PTPRD: variants seen among roughly 807,000 people sequenced by gnomAD.
PTPRD encodes the protein receptor-type tyrosine-protein phosphatase delta.
In PTPRD, 34 loss-of-function variants were observed where a neutral mutation model predicts 214.5. The ratio of observed to expected loss-of-function variants is 0.16; its 90% CI spans 0.12 to 0.21. PTPRD has a LOEUF of 0.21. Ranked by LOEUF, PTPRD falls within the 10% of genes least tolerant of loss-of-function variation. PTPRD has a pLI of 1.00. For synonymous variants in PTPRD, 1,128 were observed against 845.7 expected, an observed-to-expected ratio of 1.33 and a Z score of -5.79; for missense variants, 2,545 against 2,398.7, an observed-to-expected ratio of 1.06 and a Z score of -1.27.
chr9:10,429,410 A>G (rs1023074411), intron 2 of PTPRD, among the ~76,000 whole-genome samples: 1 of 152,042 alleles, frequency 6.6e-6, no homozygotes, highest in Non-Finnish European at 1.5e-5. Flanking sequence ...CACTATTCAC[A>G]AAAGCAAAAT....
chr9:9,181,223 A>G lies in PTPRD; in HGVS notation c.-143+2081T>C, dbSNP rs1481135436. On this transcript the variant is annotated intron_variant, in intron 10 of 45. Coordinates refer to ENST00000381196, the MANE Select transcript of PTPRD (RefSeq NM_002839.4). ...AATGATTTCAATAATAATCATTGTT[A>G]TTTTTACCTTAATTTCATTTTTGTA... 1.1e-4 allele frequency among the ~76,000 whole-genome samples: 16 copies of G among 151,942 alleles called. No homozygotes were observed. In the East Asian group the frequency reaches 2.5e-3, roughly 24 times the overall value.
intron 8 of PTPRD, among the ~76,000 whole-genome samples, chr9:9,573,285 T>C (rs1006833699): frequency 2.6e-5 from 4 of 151,536 alleles, no homozygotes; most frequent in Admixed American, 6.6e-5. Context: ...GCCTCCTTTT[T>C]CTATATTCTA....
chr9:8,684,221 A>G (rs1193329524), intron 12 of PTPRD, among the ~76,000 whole-genome samples: 1 of 152,200 alleles, frequency 6.6e-6, no homozygotes, highest in African/African-American at 2.4e-5. Flanking sequence ...AAACACTCCC[A>G]ATGTGATTGC....
intron 12 of PTPRD, among the ~76,000 whole-genome samples, chr9:8,682,047 C>G (rs1276117153): frequency 6.6e-6 from 1 of 152,034 alleles, no homozygotes; most frequent in South Asian, 2.1e-4. Flanking sequence ...CACTTCATAG[C>G]CCACATTTAT....
intron 2 of PTPRD, among the ~76,000 whole-genome samples, chr9:10,495,033 T>C (rs953026605): frequency 3.3e-5 from 5 of 151,810 alleles, no homozygotes; most frequent in African/African-American, 9.7e-5. Flanking sequence ...ATTGATCAAA[T>C]GTGAACTACA....
intron 9 of PTPRD, among the ~76,000 whole-genome samples, chr9:9,196,947 C>G (rs1392956538): frequency 1.3e-5 from 2 of 152,158 alleles, no homozygotes; most frequent in Non-Finnish European, 2.9e-5. Flanking sequence ...CAAGGTCAAT[C>G]TTTGACCATG....
intron 8 of PTPRD, among the ~76,000 whole-genome samples, chr9:9,492,184 C>A (rs930710317): frequency 1.3e-5 from 2 of 151,416 alleles, no homozygotes; most frequent in Non-Finnish European, 2.9e-5. Context: ...CCTCCCAAGA[C>A]TAAATCATGT....
At chr9:9,882,611 T>C (rs1390051506) in intron 5 of PTPRD, among the ~76,000 whole-genome samples, 1 of 152,184 alleles carries the variant, frequency 6.6e-6, no homozygotes, top group Admixed American at 6.6e-5. Context: ...CTCTGAGAAT[T>C]ATCTATAAGC....
chr9:10,197,720 T>C (rs1430612154), intron 3 of PTPRD, among the ~76,000 whole-genome samples: 2 of 152,036 alleles, frequency 1.3e-5, no homozygotes, highest in African/African-American at 4.8e-5. Context: ...TGAATGCTGA[T>C]AGGGGAAGGC....
intron 2 of PTPRD, among the ~76,000 whole-genome samples, chr9:10,403,227 A>AATATATATATATAT (rs58712564): frequency 0.12 from 7,204 of 59,324 alleles, 1,334 homozygotes; most frequent in Non-Finnish European, 0.17. Flanking sequence ...TGTGTGTGTA[A>AATATATATATATAT]ATATATATAT....
intron 7 of PTPRD, among the ~76,000 whole-genome samples, chr9:9,594,987 G>T (rs796895098): frequency 9.9e-5 from 15 of 152,050 alleles, no homozygotes; most frequent in African/African-American, 3.6e-4. Context: ...ATGGAAAAAT[G>T]CTCAACATCA....
At chr9:8,938,688 A>G (rs1484727189) in intron 11 of PTPRD, among the ~76,000 whole-genome samples, 1 of 152,002 alleles carries the variant, frequency 6.6e-6, no homozygotes, top group East Asian at 1.9e-4. Flanking sequence ...TTCTTTTAGT[A>G]CAAAGGGTCC....
chr9:10,049,544 G>A (rs1468341637), intron 3 of PTPRD, among the ~76,000 whole-genome samples: 2 of 152,028 alleles, frequency 1.3e-5, no homozygotes, highest in Admixed American at 6.6e-5. Context: ...ATGTAATGCT[G>A]CAAAAGATTT....
intron 9 of PTPRD, among the ~76,000 whole-genome samples, chr9:9,272,211 T>G (rs1019701077): frequency 6.6e-6 from 1 of 151,164 alleles, no homozygotes; most frequent in African/African-American, 2.4e-5. Context: ...ATGAAAGAAA[T>G]TACTCTGATA....
intron 4 of PTPRD, among the ~76,000 whole-genome samples, chr9:10,027,372 T>C (rs1450552941): frequency 6.6e-6 from 1 of 152,168 alleles, no homozygotes; most frequent in African/African-American, 2.4e-5. Flanking sequence ...TTTTCCAAGC[T>C]GTCAGGGAAA....
chr9:9,372,550 G>T (rs945183867), intron 9 of PTPRD, among the ~76,000 whole-genome samples: 1 of 152,018 alleles, frequency 6.6e-6, no homozygotes, highest in Non-Finnish European at 1.5e-5. Context: ...ACACTGATGG[G>T]TCTTGACTCT....
Position 8,316,052 on chromosome 9 carries a change from A to C in PTPRD, c.*1822T>G. The C allele has an allele frequency of 4.4e-6, 1 of 228,888 alleles. No homozygotes were observed. The highest frequency in any genetic ancestry group is 5.7e-5 in the Admixed American group (1 of 17,614). 14.2% of individuals were successfully genotyped at this position (228,888 alleles called of 1,614,324 possible). ...AAAATAAGTTTGGTGCAGTTACTGC[A>C]TGTTCCAGAGCGGATTTGGAAGGGA... On this transcript the variant is annotated 3_prime_UTR_variant, in exon 46 of 46. Transcript: ENST00000381196.
At chr9:9,991,580 C>T (rs1203539031) in intron 4 of PTPRD, among the ~76,000 whole-genome samples, 1 of 151,724 alleles carries the variant, frequency 6.6e-6, no homozygotes, top group Non-Finnish European at 1.5e-5. Flanking sequence ...AGGCTGGTCT[C>T]GAACTCCTGA....
rs1046571993 is a variant in PTPRD at position 8,939,398 on chromosome 9, T to C, written c.-104+79299A>G. ...TAAAACATACAGACAGACAGATGCA[T>C]ACTCTTAACTTCATTTTGAAAGATA... On this transcript the variant is annotated intron_variant, in intron 11 of 45. Transcript: ENST00000381196. Among the ~76,000 whole-genome samples, 7 of 152,018 alleles carry C rather than the reference T, an allele frequency of 4.6e-5. 1 individual carries two copies. Among genetic ancestry groups the C allele is most frequent in the African/African-American group, 1.7e-4 (7 of 41,424 alleles).
Sources: allele counts gnomAD v4.1 joint callset (sites outside exome capture counted in the v4.1 genomes callset), GRCh38; gene constraint gnomAD v4.1.1; transcripts MANE v1.5; gene names NCBI Gene and HGNC (gene_info 2026-07-23, HGNC 2026-07-21).